The following ADAM7 variants were observed in gnomAD, a reference collection of about 807,000 sequenced individuals.
The protein encoded by ADAM7 is ADAM metallopeptidase domain 7, also known as disintegrin and metalloproteinase domain-containing protein 7.
ADAM7 carries 97 observed loss-of-function variants against 102.9 expected under a neutral mutation model. The ratio of observed to expected loss-of-function variants is 0.94; its 90% CI spans 0.80 to 1.12. The LOEUF (loss-of-function observed/expected upper bound fraction) is 1.12, where lower values mean the gene tolerates loss of function less well. Ranked by LOEUF, ADAM7 falls within the 50% of genes most tolerant of loss-of-function variation. The pLI, the probability that ADAM7 is intolerant of heterozygous loss-of-function variation, is 0.00. For missense variants in ADAM7, 991 were observed against 908.7 expected, an observed-to-expected ratio of 1.09 and a Z score of -1.16; for synonymous variants, 334 against 304.4, an observed-to-expected ratio of 1.10 and a Z score of -1.01.
At chr8:24,466,412 A>C (rs1819426432) in intron 5 of ADAM7, among the ~76,000 whole-genome samples, 1 of 152,184 alleles carries the variant, frequency 6.6e-6, no homozygotes, top group African/African-American at 2.4e-5. Flanking sequence ...TGACACAGTT[A>C]CCACATATTA....
chr8:24,466,423 G>A (rs192863110), intron 5 of ADAM7, among the ~76,000 whole-genome samples: 1 of 152,230 alleles, frequency 6.6e-6, no homozygotes, highest in Non-Finnish European at 1.5e-5. Context: ...CCACATATTA[G>A]TATTTTTACT....
At chr8:24,500,742 T>G (rs768920367) in intron 18 of ADAM7, 48 bp from the exon 19 acceptor site, 25 of 1,497,814 alleles carry the variant, frequency 1.7e-5, no homozygotes, top group Non-Finnish European at 2.2e-5. Flanking sequence ...TATTCCACTG[T>G]TTTACAACTG....
chr8:24,441,123 T>C lies in ADAM7; in HGVS notation c.15T>C (p.Cys5=). 6.2e-7 allele frequency: 1 copy of C among 1,613,850 alleles called. No individual in the cohort carries two copies. The highest frequency in any genetic ancestry group is 1.1e-5 in the South Asian group (1 of 91,066). The change falls in exon 1 of 22, where the codon TGT becomes TGC. Residue 5 remains cysteine (C), a synonymous_variant. Coordinates refer to ENST00000175238, the MANE Select transcript of ADAM7 (RefSeq NM_003817.4). MLPG[C]IFLMILLIPQ... is the part of the protein sequence containing the mutation. ...AATCACTCAGAATGCTTCCCGGGTG[T>C]ATATTCTTGATGATTTTACTCATTC...
In ADAM7 at chr8:24,463,896, C is replaced by G. The variant is rs139771485; in HGVS notation, c.248C>G (p.Ser83Ter). Residue 83 changes from serine (S) to a stop codon, truncating the protein, a stop_gained, in exon 4 of 22, where the codon TCA becomes TGA. Coordinates refer to ENST00000175238, the MANE Select transcript of ADAM7 (RefSeq NM_003817.4). LOFTEE classifies it high-confidence loss of function. ...HLLRSREFLG[S>*]NYSETFYSMK... ...CTCTTTTTCAGGGAGTTCCTAGGCTCAAATTACAGTGAAACATTCTACTCC... is the reference window on the plus strand; with the variant it reads ...CTCTTTTTCAGGGAGTTCCTAGGCTGAAATTACAGTGAAACATTCTACTCC... The G allele has an allele frequency of 1.2e-6, 2 of 1,613,556 alleles. No homozygotes were observed. The highest frequency in any genetic ancestry group is 1.7e-6 in the Non-Finnish European group (2 of 1,179,788).
At chr8:24,466,704 C>A in intron 5 of ADAM7, 95 bp from the exon 6 acceptor site, 1 of 1,152,350 alleles carries the variant, frequency 8.7e-7, no homozygotes, top group East Asian at 2.4e-5. Context: ...GAAGCACTGG[C>A]TTTGTGGTTT....
intron 10 of ADAM7, among the ~76,000 whole-genome samples, chr8:24,486,185 T>G (rs1227626018): frequency 3.9e-5 from 6 of 151,990 alleles, no homozygotes; most frequent in African/African-American, 1.5e-4. Flanking sequence ...CATTTTAAAC[T>G]TTATATGAGT....
chr8:24,453,305 G>T (rs1486890976), intron 3 of ADAM7, among the ~76,000 whole-genome samples: 1 of 151,990 alleles, frequency 6.6e-6, no homozygotes, highest in East Asian at 1.9e-4. Context: ...ACGTAGATTT[G>T]GTCTTTTCAC....
intron 6 of ADAM7, among the ~76,000 whole-genome samples, 182 bp from the exon 7 acceptor site, chr8:24,468,585 G>T (rs1194814680): frequency 1.3e-5 from 2 of 152,064 alleles, no homozygotes; most frequent in Non-Finnish European, 2.9e-5. Flanking sequence ...AGGACCCCAT[G>T]TTTAATCGTA....
chr8:24,476,583 A>G (rs2129386257), intron 8 of ADAM7, 79 bp downstream of exon 8: 3 of 1,141,024 alleles, frequency 2.6e-6, no homozygotes, highest in South Asian at 1.5e-5. Flanking sequence ...CTGCTGGACT[A>G]TTGTAGTTAC....
intron 15 of ADAM7, 96 bp downstream of exon 15, chr8:24,492,693 C>T: frequency 2.4e-6 from 2 of 821,610 alleles, no homozygotes; most frequent in Non-Finnish European, 3.9e-6. Flanking sequence ...TCTCTTTTTA[C>T]TGAGACCGGG....
At chr8:24,467,817 C>T (rs1397642843) in intron 6 of ADAM7, among the ~76,000 whole-genome samples, 1 of 152,072 alleles carries the variant, frequency 6.6e-6, no homozygotes, top group Non-Finnish European at 1.5e-5. Flanking sequence ...GTAATCCCAA[C>T]ACTTTGGGAG....
rs1164004675 is a variant in ADAM7, at chr8:24,492,107, T to C, written c.1552+9T>C. 5 of 1,608,934 alleles carry C rather than the reference T, an allele frequency of 3.1e-6. No homozygotes were observed. Among genetic ancestry groups the C allele is most frequent in the Non-Finnish European group, 4.2e-6 (5 of 1,177,502 alleles). ...TGAACTATTTGATGATGGTGAGAGA[T>C]AATCACAGTGAAGTATTCACACAGA... is the stretch of plus-strand genomic sequence containing the variant. On this transcript the variant is annotated intron_variant, in intron 14 of 21. Transcript: ENST00000175238.
chr8:24,441,615 T>C (rs968735748), intron 1 of ADAM7, among the ~76,000 whole-genome samples: 2 of 152,176 alleles, frequency 1.3e-5, no homozygotes, highest in Admixed American at 1.3e-4. Context: ...TTATTGCTCT[T>C]TAAGTATCAC....
intron 7 of ADAM7, among the ~76,000 whole-genome samples, chr8:24,475,722 T>C (rs897654355): frequency 3.3e-5 from 5 of 152,170 alleles, no homozygotes; most frequent in Non-Finnish European, 1.5e-5. Flanking sequence ...GGTTAATTTC[T>C]TATTTTTATT....
intron 16 of ADAM7, among the ~76,000 whole-genome samples, chr8:24,496,949 G>GTAAAATTCCTC (rs1820577824): frequency 2.0e-5 from 3 of 152,148 alleles, no homozygotes; most frequent in Admixed American, 2.0e-4. Flanking sequence ...GATTTGGGAG[G>GTAAAATTCCTC]GGCCAGGGAC....
At chr8:24,446,618 C>G (rs1194453137) in intron 2 of ADAM7, among the ~76,000 whole-genome samples, 1 of 151,758 alleles carries the variant, frequency 6.6e-6, no homozygotes, top group Non-Finnish European at 1.5e-5. Context: ...CCTAAAGACA[C>G]ATACTATAAA....
At position 24,493,228 on chromosome 8, in the gene ADAM7, T is replaced by G. The variant is rs374154870; in HGVS notation, c.1841T>G (p.Met614Arg). ...TCAGGAACAAAATGTGGAGAGGGAA[T>G]GGTAAGACAAAAGCCCTTTGTTTTA... The part of the protein sequence containing the change: ...VASGTKCGEG[M>R]VCNNGECLNM... The change falls in exon 16 of 22, where the codon ATG becomes AGG. Residue 614 changes from methionine (M) to arginine (R), a missense_variant and splice_region_variant. Met to Arg is a moderately conservative substitution (Grantham distance 91). Transcript: ENST00000175238. 2 of 1,592,778 alleles carry G rather than the reference T, an allele frequency of 1.3e-6. No individual in the cohort carries two copies. Among genetic ancestry groups the G allele is most frequent in the Non-Finnish European group, 1.7e-6 (2 of 1,172,426 alleles).
intron 7 of ADAM7, among the ~76,000 whole-genome samples, chr8:24,474,445 A>G (rs184666995): frequency 2.0e-5 from 3 of 152,286 alleles, no homozygotes; most frequent in African/African-American, 7.2e-5. Context: ...GCTCTTGCTC[A>G]TGCTGCTTTA....
At position 24,509,471 on chromosome 8, in the gene ADAM7, A is replaced by AT. The variant is rs1015239261; in HGVS notation, c.*933dup. The AT allele has an allele frequency of 7.7e-5, 76 of 984,056 alleles. No individual in the cohort carries two copies. The highest frequency in any genetic ancestry group is 8.8e-5 in the African/African-American group (5 of 57,120). 61.0% of individuals were successfully genotyped at this position (984,056 alleles called of 1,614,324 possible). A position where few individuals can be genotyped will look rare whatever the true frequency, so the allele number is the denominator to read the frequency against. On this transcript the variant is annotated 3_prime_UTR_variant, in exon 22 of 22. Coordinates refer to ENST00000175238, the MANE Select transcript of ADAM7 (RefSeq NM_003817.4). ...GTGAACTGTTAAAGCTACATGCATT[A>AT]TTTTTTTTCCATTTACTGAAATAAA...
Sources: gnomAD v4.1 joint callset for allele counts (sites outside exome capture counted in the v4.1 genomes callset) on GRCh38, gnomAD v4.1.1 for gene constraint, MANE v1.5 for transcripts, NCBI Gene and HGNC (gene_info 2026-07-23, HGNC 2026-07-21) for gene names.